The following ADAMTS18 variants were observed in gnomAD, a reference collection of about 807,000 sequenced individuals.
ADAMTS18 encodes A disintegrin and metalloproteinase with thrombospondin motifs 18.
In ADAMTS18, 157 loss-of-function variants were observed where a neutral mutation model predicts 165.9. That is an observed-to-expected ratio of 0.95 (90% CI 0.83 to 1.08). ADAMTS18 has a LOEUF of 1.08. ADAMTS18 is among the 50% of genes least tolerant of loss of function. The pLI is 0.00. For missense variants in ADAMTS18, 2,040 were observed against 1,534.0 expected (o/e 1.33, Z -5.51); for synonymous variants, 782 against 578.2 (o/e 1.35, Z -5.06).
chr16:77,403,851 C>T (rs567810092), intron 3 of ADAMTS18, among the ~76,000 whole-genome samples: 233 of 152,114 alleles, frequency 1.5e-3, no homozygotes, highest in Middle Eastern at 3.4e-3. Flanking sequence ...GGAAGGGACA[C>T]GATGCCATGC....
intron 3 of ADAMTS18, among the ~76,000 whole-genome samples, chr16:77,408,227 C>T (rs1015458710): frequency 6.6e-6 from 1 of 152,058 alleles, no homozygotes; most frequent in Non-Finnish European, 1.5e-5. Context: ...AGATGAGGAA[C>T]ATGTGGAACT....
intron 3 of ADAMTS18, among the ~76,000 whole-genome samples, chr16:77,385,300 G>A (rs746308374): frequency 1.4e-4 from 22 of 152,086 alleles, no homozygotes; most frequent in Non-Finnish European, 2.8e-4. Context: ...AAATGTATTT[G>A]GTTTCTAAGT....
chr16:77,298,897 C>G (rs148200246), intron 17 of ADAMTS18, among the ~76,000 whole-genome samples: 12 of 152,354 alleles, frequency 7.9e-5, no homozygotes, highest in Non-Finnish European at 1.8e-4. Context: ...CAGGACACAC[C>G]AGGGTCTGTG....
intron 17 of ADAMTS18, chr16:77,300,037 C>T: frequency 2.0e-6 from 1 of 505,570 alleles, no homozygotes; most frequent in South Asian, 2.5e-5. Flanking sequence ...AGATGTGTAA[C>T]TTTTGAGCCT....
chr16:77,349,365 G>A (rs1185666101), intron 10 of ADAMTS18, among the ~76,000 whole-genome samples: 1 of 151,800 alleles, frequency 6.6e-6, no homozygotes, highest in Non-Finnish European at 1.5e-5. Context: ...CATGGCAATG[G>A]AAATTGATAG....
intron 3 of ADAMTS18, among the ~76,000 whole-genome samples, chr16:77,414,014 T>A (rs1456726193): frequency 6.6e-6 from 1 of 152,204 alleles, no homozygotes; most frequent in East Asian, 1.9e-4. Context: ...AGAAATATGA[T>A]GACATAGAAA....
intron 16 of ADAMTS18, among the ~76,000 whole-genome samples, chr16:77,311,433 C>T (rs1460875093): frequency 1.3e-5 from 2 of 152,176 alleles, no homozygotes; most frequent in African/African-American, 4.8e-5. Context: ...GAACTTTATT[C>T]AACTTCCTTT....
At chr16:77,392,223 C>T (rs1597216252) in intron 3 of ADAMTS18, among the ~76,000 whole-genome samples, 1 of 152,206 alleles carries the variant, frequency 6.6e-6, no homozygotes, top group African/African-American at 2.4e-5. Flanking sequence ...AAGGCTGAAG[C>T]TCTCATCATG....
intron 16 of ADAMTS18, among the ~76,000 whole-genome samples, chr16:77,309,217 GTTT>G (rs113727165): frequency 1.1e-5 from 1 of 91,408 alleles, no homozygotes; most frequent in African/African-American, 3.3e-5. Context: ...TAGCTGGCTA[GTTT>G]TTTTTTTTCT....
intron 3 of ADAMTS18, among the ~76,000 whole-genome samples, chr16:77,398,647 G>A (rs934621928): frequency 1.3e-5 from 2 of 152,136 alleles, no homozygotes; most frequent in African/African-American, 4.8e-5. Context: ...GGGGTTGGGG[G>A]CTGTCAGTGC....
intron 4 of ADAMTS18, 81 bp from the exon 5 acceptor site, chr16:77,364,462 G>C: frequency 6.8e-7 from 1 of 1,463,146 alleles, no homozygotes; most frequent in Non-Finnish European, 9.4e-7. Flanking sequence ...TGAAACAAGG[G>C]AAGAAGAGAA....
In ADAMTS18 at chr16:77,374,462, G is replaced by T. The variant is rs1462848555; in HGVS notation, c.496-6739C>A. On this transcript the variant is annotated intron_variant, in intron 3 of 22. Coordinates refer to ENST00000282849, the MANE Select transcript of ADAMTS18 (RefSeq NM_199355.4). ...GCAGGAAGCACAGGCAGAATTTCAG[G>T]TCCCTCATTCTCTGAGAAGGACCCT... 2.0e-5 allele frequency among the ~76,000 whole-genome samples: 3 copies of T among 152,186 alleles called. No individual in the cohort carries two copies. In the East Asian group the frequency reaches 5.8e-4, roughly 29 times the overall value.
chr16:77,284,756 C>A (rs959313863), intron 22 of ADAMTS18, among the ~76,000 whole-genome samples: 9 of 152,156 alleles, frequency 5.9e-5, no homozygotes, highest in Middle Eastern at 3.2e-3. Context: ...CTTTAGGGAT[C>A]CCCTAAGGAT....
chr16:77,367,353 A>G, intron 4 of ADAMTS18, 88 bp downstream of exon 4: 2 of 1,512,392 alleles, frequency 1.3e-6, no homozygotes, highest in Non-Finnish European at 1.8e-6. Flanking sequence ...CCCCATTTTG[A>G]CTTGCAAAGC....
Position 77,291,259 on chromosome 16 carries a change from T to A in ADAMTS18, c.3402+7A>T. On this transcript the variant is annotated splice_region_variant and intron_variant, in intron 21 of 22. Coordinates refer to ENST00000282849, the MANE Select transcript of ADAMTS18 (RefSeq NM_199355.4). The stretch of plus-strand genomic sequence containing the variant: ...AATAGACACCTCCTCAATCGGCCTG[T>A]ACCCACCTGCTGCCACGGCAATGAA... 6.2e-7 allele frequency: 1 copy of A among 1,613,794 alleles called. No individual in the cohort carries two copies. The highest frequency in any genetic ancestry group is 8.5e-7 in the Non-Finnish European group (1 of 1,179,978).
chr16:77,383,325 C>T (rs77706631), intron 3 of ADAMTS18, among the ~76,000 whole-genome samples: 3,985 of 152,134 alleles, frequency 0.026, 80 homozygotes, highest in East Asian at 0.048. Flanking sequence ...TTTGCAGCCC[C>T]GTCCAATCCA....
intron 13 of ADAMTS18, 110 bp downstream of exon 13, chr16:77,325,756 G>C: frequency 8.6e-7 from 1 of 1,161,168 alleles, no homozygotes. Context: ...TCTGGGGAGT[G>C]AAAGGTAAAC....
chr16:77,409,305 C>G (rs1786839576), intron 3 of ADAMTS18, among the ~76,000 whole-genome samples: 1 of 152,082 alleles, frequency 6.6e-6, no homozygotes, highest in South Asian at 2.1e-4. Context: ...ACTAAGTGGC[C>G]ACATTTTAGT....
chr16:77,342,404 AG>A (rs2056411980), intron 10 of ADAMTS18, among the ~76,000 whole-genome samples: 1 of 152,168 alleles, frequency 6.6e-6, no homozygotes, highest in African/African-American at 2.4e-5. Context: ...TGCTTTTTCA[AG>A]GTCCTATATG....
Sources: gnomAD v4.1 joint callset for allele counts (sites outside exome capture counted in the v4.1 genomes callset) on GRCh38, gnomAD v4.1.1 for gene constraint, MANE v1.5 for transcripts, NCBI Gene and HGNC (gene_info 2026-07-23, HGNC 2026-07-21) for gene names.